SLAIN2: variants seen among roughly 807,000 people sequenced by gnomAD.
SLAIN2 encodes SLAIN family member 2.
A neutral mutation model predicts 56.6 loss-of-function variants in SLAIN2; 31 were observed. The observed-to-expected ratio is 0.55, with a 90% CI of 0.41 to 0.74. The LOEUF (loss-of-function observed/expected upper bound fraction) is 0.74, where lower values mean the gene tolerates loss of function less well. SLAIN2 is among the 30% of genes least tolerant of loss of function. The pLI is 0.00. For missense variants in SLAIN2, 777 were observed against 754.2 expected (o/e 1.03, Z -0.35); for synonymous variants, 317 against 284.9 (o/e 1.11, Z -1.13).
intron 6 of SLAIN2, among the ~76,000 whole-genome samples, chr4:48,418,063 T>C (rs1235926388): frequency 6.9e-6 from 1 of 144,234 alleles, no homozygotes; most frequent in Non-Finnish European, 1.5e-5. Context: ...CCTCTGTGCC[T>C]TTTATTATTA....
At position 48,379,769 on chromosome 4, in the gene SLAIN2, A is replaced by G; in HGVS notation, c.783A>G (p.Leu261=). 6.3e-7 allele frequency: 1 copy of G among 1,598,066 alleles called. No individual in the cohort carries two copies. The highest frequency in any genetic ancestry group is 2.3e-5 in the East Asian group (1 of 43,904). ...SIDSELSASE[L]DEDSIGSNYK... ...ATAGTGAGTTAAGTGCTTCAGAATTAGATGAAGATTCAATTGGATCCAATT... is the reference window on the plus strand; with the variant it reads ...ATAGTGAGTTAAGTGCTTCAGAATTGGATGAAGATTCAATTGGATCCAATT... Residue 261 remains leucine (L), a synonymous_variant, in exon 4 of 8, where the codon TTA becomes TTG. Transcript: ENST00000264313.
chr4:48,420,427 G>C lies in SLAIN2; in HGVS notation c.1663G>C (p.Ala555Pro). 1 of 1,613,788 alleles carries C rather than the reference G, an allele frequency of 6.2e-7. No individual in the cohort carries two copies. Among genetic ancestry groups the C allele is most frequent in the Non-Finnish European group, 8.5e-7 (1 of 1,179,750 alleles). The change falls in exon 7 of 8, where the codon GCA becomes CCA. Residue 555 changes from alanine to proline, a missense_variant. Ala to Pro is a conservative substitution (Grantham distance 27). Coordinates refer to ENST00000264313, the MANE Select transcript of SLAIN2 (RefSeq NM_020846.2). ...GGIPVPRSKL[A>P]QPVRRSLPAP... is the part of the protein sequence containing the mutation. ...CATACCAGTGCCTCGCAGCAAACTT[G>C]CACAGCCTGTTCGCAGGTAAGTGGC...
At chr4:48,378,720 G>GTA (rs1328121736) in intron 3 of SLAIN2, among the ~76,000 whole-genome samples, 2 of 152,146 alleles carry the variant, frequency 1.3e-5, no homozygotes, top group Non-Finnish European at 2.9e-5. Flanking sequence ...TCTTTGTGTA[G>GTA]TATATAGGTT....
chr4:48,363,927 A>AC (rs1249854706), intron 1 of SLAIN2, among the ~76,000 whole-genome samples: 1,357 of 95,476 alleles, frequency 0.014, 15 homozygotes, highest in African/African-American at 0.048. Context: ...CGGGGGGCTG[A>AC]CCCCCCCACC....
intron 6 of SLAIN2, among the ~76,000 whole-genome samples, chr4:48,390,808 G>A (rs1208684390): frequency 6.6e-6 from 1 of 151,950 alleles, no homozygotes; most frequent in African/African-American, 2.4e-5. Context: ...TCGATATTGG[G>A]GCTTAGTACA....
chr4:48,387,846 AAT>A (rs1485980720), intron 6 of SLAIN2, among the ~76,000 whole-genome samples: 4 of 152,136 alleles, frequency 2.6e-5, no homozygotes, highest in Non-Finnish European at 4.4e-5. Context: ...TAGTTTTCAT[AAT>A]AGTCTTTATA....
rs1385082049 is a variant in SLAIN2 at position 48,425,820 on chromosome 4, T to C, written c.*3743T>C. 2.0e-5 allele frequency: 3 copies of C among 152,164 alleles called. No homozygotes were observed. Among genetic ancestry groups the C allele is most frequent in the Non-Finnish European group, 2.9e-5 (2 of 68,014 alleles). 9.4% of individuals were successfully genotyped at this position (152,164 alleles called of 1,614,324 possible). On this transcript the variant is annotated 3_prime_UTR_variant, in exon 8 of 8. Transcript: ENST00000264313. ...TAAGTCTTGGGTGGCTAAATGGCCCTCTGCTTACCAGTCTGAAAATGAAAC... is the reference window on the plus strand; with the variant it reads ...TAAGTCTTGGGTGGCTAAATGGCCCCCTGCTTACCAGTCTGAAAATGAAAC...
chr4:48,350,235 C>T (rs897253979), intron 1 of SLAIN2, among the ~76,000 whole-genome samples: 2 of 152,158 alleles, frequency 1.3e-5, no homozygotes, highest in African/African-American at 4.8e-5. Flanking sequence ...GCTCCTCAGT[C>T]CCCATCTTTG....
intron 6 of SLAIN2, chr4:48,394,775 A>AT (rs1716335780): frequency 1.4e-6 from 1 of 690,346 alleles, no homozygotes; most frequent in South Asian, 2.2e-5. Flanking sequence ...TTAAAGAATA[A>AT]TAAAATAATG....
chr4:48,341,533 C>T lies in SLAIN2; in HGVS notation c.-207C>T, dbSNP rs375259. 179,202 of 655,332 alleles carry T rather than the reference C, an allele frequency of 0.27. 26,859 individuals carry two copies. Among genetic ancestry groups the T allele is most frequent in the Middle Eastern group, 0.38 (836 of 2,180 alleles). 40.6% of individuals were successfully genotyped at this position (655,332 alleles called of 1,614,324 possible). On this transcript the variant is annotated 5_prime_UTR_variant, in exon 1 of 8. Coordinates refer to ENST00000264313, the MANE Select transcript of SLAIN2 (RefSeq NM_020846.2). ...GATATTGGCGCCGCCTCCCCCAATC[C>T]CGGAGCCGGCGCAGATGAGGCAGTT...
intron 1 of SLAIN2, among the ~76,000 whole-genome samples, chr4:48,368,413 G>A (rs1715582425): frequency 6.6e-6 from 1 of 152,146 alleles, no homozygotes; most frequent in South Asian, 2.1e-4. Context: ...GGGTAACTAT[G>A]TATGTAGTAC....
At chr4:48,415,386 A>C in intron 6 of SLAIN2, among the ~76,000 whole-genome samples, 1 of 63,842 alleles carries the variant, frequency 1.6e-5, no homozygotes, top group Non-Finnish European at 3.5e-5. Flanking sequence ...CATATCCTTC[A>C]CCCACTTTTT....
intron 6 of SLAIN2, among the ~76,000 whole-genome samples, chr4:48,398,182 T>C (rs1716458366): frequency 6.6e-6 from 1 of 151,866 alleles, no homozygotes. Context: ...TGTTGTTTCT[T>C]GCCATTCTGA....
intron 6 of SLAIN2, among the ~76,000 whole-genome samples, chr4:48,396,125 T>A (rs1716379393): frequency 6.6e-6 from 1 of 152,254 alleles, no homozygotes; most frequent in Admixed American, 6.5e-5. Context: ...AAAATTTGCC[T>A]ATAGGGGTTA....
chr4:48,347,604 A>T (rs1441489531), intron 1 of SLAIN2, among the ~76,000 whole-genome samples: 1 of 152,176 alleles, frequency 6.6e-6, no homozygotes, highest in Non-Finnish European at 1.5e-5. Context: ...AATTATTATT[A>T]TTTTTATTGT....
chr4:48,403,027 C>A (rs1450418012), intron 6 of SLAIN2, among the ~76,000 whole-genome samples: 2 of 152,212 alleles, frequency 1.3e-5, no homozygotes, highest in Non-Finnish European at 2.9e-5. Flanking sequence ...GTCCCTCCTG[C>A]ATCTGGAGGT....
Position 48,341,608 on chromosome 4 carries a change from G to A in SLAIN2, c.-132G>A. 7.6e-7 allele frequency: 1 copy of A among 1,317,712 alleles called. No individual in the cohort carries two copies. The highest frequency in any genetic ancestry group is 9.8e-7 in the Non-Finnish European group (1 of 1,015,752). 81.6% of individuals were successfully genotyped at this position (1,317,712 alleles called of 1,614,324 possible). A position where few individuals can be genotyped will look rare whatever the true frequency, so the allele number is the denominator to read the frequency against. On this transcript the variant is annotated 5_prime_UTR_variant, in exon 1 of 8. In the 5' UTR this introduces an upstream ATG that the reference lacks. Coordinates refer to ENST00000264313, the MANE Select transcript of SLAIN2 (RefSeq NM_020846.2). ...AACCCGAGGTGGGGGGACCCTGGCG[G>A]TGGGGCCTGGTCCTGCTATATGCCG...
chr4:48,393,651 T>C (rs575391905), intron 6 of SLAIN2, among the ~76,000 whole-genome samples: 67 of 152,316 alleles, frequency 4.4e-4, no homozygotes, highest in Non-Finnish European at 8.2e-4. Flanking sequence ...GCTCTCTTTT[T>C]TTGCACATAA....
At chr4:48,414,333 A>G (rs961908204) in intron 6 of SLAIN2, among the ~76,000 whole-genome samples, 1 of 152,214 alleles carries the variant, frequency 6.6e-6, no homozygotes, top group African/African-American at 2.4e-5. Context: ...TTGAATATCC[A>G]TCTAGGAAAT....
Sources: gnomAD v4.1 joint callset for allele counts (sites outside exome capture counted in the v4.1 genomes callset) on GRCh38, gnomAD v4.1.1 for gene constraint, MANE v1.5 for transcripts, NCBI Gene and HGNC (gene_info 2026-07-23, HGNC 2026-07-21) for gene names.